ADK: variants seen among roughly 807,000 people sequenced by gnomAD.
ADK encodes N6,N6-dimethyladenosine kinase.
ADK carries 24 observed loss-of-function variants against 44.7 expected under a neutral mutation model. The ratio of observed to expected loss-of-function variants is 0.54; its 90% confidence interval spans 0.39 to 0.76. The LOEUF is 0.76. Among genes scored for constraint, ADK ranks in the 30% least tolerant of loss-of-function variants. The pLI is 0.00. For missense variants in ADK, 321 were observed against 425.1 expected (o/e 0.76, Z 2.15); for synonymous variants, 128 against 142.6 (o/e 0.90, Z 0.73).
intron 3 of ADK, among the ~76,000 whole-genome samples, chr10:74,271,464 G>A (rs550186925): frequency 2.0e-5 from 3 of 150,146 alleles, no homozygotes; most frequent in East Asian, 1.9e-4. Flanking sequence ...CACAATGTGC[G>A]GGTTAGTTAC....
chr10:74,508,485 G>A (rs1386488741), intron 6 of ADK: 2 of 152,094 alleles, frequency 1.3e-5, no homozygotes, highest in Non-Finnish European at 2.9e-5. Context: ...ACTATATTAA[G>A]CATTTATTTA....
At chr10:74,703,374 C>T (rs1291376236) in intron 10 of ADK, among the ~76,000 whole-genome samples, 6 of 151,608 alleles carry the variant, frequency 4.0e-5, no homozygotes, top group African/African-American at 1.2e-4. Flanking sequence ...CCCAGCTACC[C>T]GGGAGGCAGA....
Position 74,335,854 on chromosome 10 carries a change from CT to C in ADK, c.273+21117del, listed in dbSNP as rs542554796. Among the ~76,000 whole-genome samples, 800 of 151,756 alleles carry C rather than the reference CT, an allele frequency of 5.3e-3. 12 individuals are homozygous for C. The highest frequency in any genetic ancestry group is 0.017 in the African/African-American group (721 of 41,412). ...AGAAGTATCTCTTCAAACTCTTTGC[CT>C]TTTTTTTAAAAAAAATTGTGTTTAT... On this transcript the variant is annotated intron_variant, in intron 4 of 10. Coordinates refer to ENST00000539909, the MANE Select transcript of ADK (RefSeq NM_006721.4).
chr10:74,348,019 G>A (rs1357581693), intron 4 of ADK, among the ~76,000 whole-genome samples: 1 of 152,186 alleles, frequency 6.6e-6, no homozygotes, highest in Admixed American at 6.5e-5. Context: ...CCTGCCTGGT[G>A]GCTCTGAAGA....
chr10:74,200,029 C>T (rs182779616), intron 1 of ADK, among the ~76,000 whole-genome samples: 537 of 151,910 alleles, frequency 3.5e-3, no homozygotes, highest in African/African-American at 4.5e-3. Context: ...ATTGCTGGGT[C>T]GGATGGTAAT....
chr10:74,399,298 C>T (rs1009836760), intron 6 of ADK, among the ~76,000 whole-genome samples: 1 of 150,832 alleles, frequency 6.6e-6, no homozygotes, highest in Non-Finnish European at 1.5e-5. Context: ...TTTGGTATAA[C>T]AGCTGCTGCC....
intron 7 of ADK, among the ~76,000 whole-genome samples, chr10:74,581,648 GA>G (rs1192280573): frequency 6.6e-6 from 1 of 151,026 alleles, no homozygotes; most frequent in Non-Finnish European, 1.5e-5. Flanking sequence ...CAGTAATAAA[GA>G]AAAAAAACTT....
intron 6 of ADK, among the ~76,000 whole-genome samples, chr10:74,409,209 T>C (rs897295062): frequency 6.6e-6 from 1 of 152,216 alleles, no homozygotes; most frequent in Non-Finnish European, 1.5e-5. Context: ...CTATGCGTTA[T>C]TTCAAATAAC....
intron 6 of ADK, among the ~76,000 whole-genome samples, chr10:74,488,728 C>T (rs897636185): frequency 2.6e-5 from 4 of 151,498 alleles, no homozygotes; most frequent in African/African-American, 4.8e-5. Flanking sequence ...TGGACTTTTA[C>T]GACATTAAAG....
intron 3 of ADK, among the ~76,000 whole-genome samples, chr10:74,268,925 ATTG>A (rs1440886451): frequency 6.6e-6 from 1 of 152,212 alleles, no homozygotes. Context: ...AAATGGTTTT[ATTG>A]TTTGGGGAAA....
chr10:74,603,375 T>C (rs1468134452), intron 9 of ADK, among the ~76,000 whole-genome samples: 1 of 152,076 alleles, frequency 6.6e-6, no homozygotes, highest in Non-Finnish European at 1.5e-5. Flanking sequence ...ATCATCTACA[T>C]TAGGCATTTC....
rs137895402 is a variant in ADK at position 74,617,497 on chromosome 10, T to C, written c.877+17004T>C. ...TTTCTTTTAATGTGTGAATTACAGA[T>C]TGATTATGGAAAGATATTTCACCTT... On this transcript the variant is annotated intron_variant, in intron 9 of 10. Coordinates refer to ENST00000539909, the MANE Select transcript of ADK (RefSeq NM_006721.4). 2.2e-4 allele frequency among the ~76,000 whole-genome samples: 33 copies of C among 152,344 alleles called. 2 individuals are homozygous for C. The East Asian group carries it at 6.4e-3, about 29-fold the overall frequency.
chr10:74,683,189 TGTTA>T (rs1855674110), intron 10 of ADK, among the ~76,000 whole-genome samples: 1 of 152,208 alleles, frequency 6.6e-6, no homozygotes, highest in Non-Finnish European at 1.5e-5. Flanking sequence ...TCCTGCCAGA[TGTTA>T]GTTCTTTGAG....
At chr10:74,680,460 A>G (rs1305081104) in intron 10 of ADK, among the ~76,000 whole-genome samples, 1 of 152,238 alleles carries the variant, frequency 6.6e-6, no homozygotes, top group African/African-American at 2.4e-5. Context: ...CACTCCAAAC[A>G]GCTAACAGTG....
chr10:74,244,177 T>C (rs1845329516), intron 3 of ADK, among the ~76,000 whole-genome samples: 2 of 152,248 alleles, frequency 1.3e-5, no homozygotes, highest in African/African-American at 2.4e-5. Flanking sequence ...CTATTTATAG[T>C]ACTTTATAAA....
chr10:74,702,136 T>C (rs1233839189), intron 10 of ADK, among the ~76,000 whole-genome samples: 2 of 151,854 alleles, frequency 1.3e-5, no homozygotes, highest in African/African-American at 4.8e-5. Context: ...TATGAGTGGA[T>C]ACTCAATCTG....
intron 6 of ADK, among the ~76,000 whole-genome samples, chr10:74,498,473 A>G (rs1042969052): frequency 1.3e-5 from 2 of 152,248 alleles, no homozygotes; most frequent in Non-Finnish European, 2.9e-5. Flanking sequence ...TATTGATAAA[A>G]GATTATTTGA....
chr10:74,362,701 G>A (rs1842373484), intron 4 of ADK, among the ~76,000 whole-genome samples: 1 of 152,132 alleles, frequency 6.6e-6, no homozygotes. Flanking sequence ...TCTTCAAGAG[G>A]CCTTCCAGGG....
At chr10:74,476,598 G>T (rs191581301) in intron 6 of ADK, among the ~76,000 whole-genome samples, 179 of 152,162 alleles carry the variant, frequency 1.2e-3, no homozygotes, top group African/African-American at 4.0e-3. Context: ...GTATGTAAAG[G>T]AAATACTGTT....
Sources: allele counts gnomAD v4.1 joint callset (sites outside exome capture counted in the v4.1 genomes callset), GRCh38; gene constraint gnomAD v4.1.1; transcripts MANE v1.5; gene names NCBI Gene and HGNC (gene_info 2026-07-23, HGNC 2026-07-21).